PKD2: variants seen among roughly 807,000 people sequenced by gnomAD.
PKD2 encodes polycystin 2, transient receptor potential cation channel, also known as polycystin-2.
PKD2 carries 48 observed loss-of-function variants against 105.9 expected under a neutral mutation model. That is an observed-to-expected ratio of 0.45 (90% CI 0.36 to 0.58). PKD2 has a LOEUF of 0.58. Ranked by LOEUF, PKD2 falls within the 20% of genes least tolerant of loss-of-function variation. The pLI, the probability that PKD2 is intolerant of heterozygous loss-of-function variation, is 0.00. For missense variants in PKD2, 1,078 were observed against 1,255.3 expected, an observed-to-expected ratio of 0.86 and a Z score of 2.13; for synonymous variants, 464 against 481.1, an observed-to-expected ratio of 0.96 and a Z score of 0.46.
chr4:88,022,735 A>T (rs2725228), intron 2 of PKD2, among the ~76,000 whole-genome samples: 113,669 of 152,142 alleles, frequency 0.75, 42,541 homozygotes, highest in South Asian at 0.76. Context: ...CTATGGCTTA[A>T]GTATTAGGCT....
At chr4:88,037,251 A>C (rs182172275) in intron 3 of PKD2, among the ~76,000 whole-genome samples, 312 of 150,832 alleles carry the variant, frequency 2.1e-3, no homozygotes, top group East Asian at 6.4e-3. Flanking sequence ...AATCCCCCCC[A>C]AAAAAAAACC....
At chr4:88,031,131 G>T (rs932867369) in intron 2 of PKD2, among the ~76,000 whole-genome samples, 1 of 152,176 alleles carries the variant, frequency 6.6e-6, no homozygotes, top group Non-Finnish European at 1.5e-5. Context: ...TCAGCCATGT[G>T]ATTATGAGGG....
intron 4 of PKD2, among the ~76,000 whole-genome samples, chr4:88,041,059 A>G (rs929357662): frequency 6.6e-6 from 1 of 152,192 alleles, no homozygotes; most frequent in Non-Finnish European, 1.5e-5. Context: ...ACACATCTCT[A>G]TTCCACCTGG....
intron 1 of PKD2, among the ~76,000 whole-genome samples, chr4:88,010,581 C>A (rs1474599266): frequency 6.6e-6 from 1 of 152,158 alleles, no homozygotes; most frequent in East Asian, 1.9e-4. Flanking sequence ...AAGTAACTTG[C>A]AATTTTTAAA....
rs1345050422 is a variant in PKD2, at chr4:88,007,864, G to T, written c.131G>T (p.Gly44Val). The T allele has an allele frequency of 4.9e-5, 61 of 1,243,044 alleles. No homozygotes were observed. The highest frequency in any genetic ancestry group is 6.0e-5 in the Non-Finnish European group (60 of 994,328). The allele number at this position is 1,243,044 out of a possible 1,614,324, so 77.0% of individuals were successfully genotyped here. The change falls in exon 1 of 15, where the codon GGC becomes GTC. Residue 44 changes from glycine (G) to valine (V), a missense_variant. This residue lies in a region of PKD2 where 210 missense variants were observed against 187.9 expected (regional missense o/e 1.12). Transcript: ENST00000237596. The stretch of plus-strand genomic sequence containing the variant: ...GTGGGCGCCAGCCTCGCCGCCCCGG[G>T]CGGCCTCTGCGAGCAGCGGGGCCTG... ...AAVGASLAAP[G>V]GLCEQRGLEI...
intron 2 of PKD2, among the ~76,000 whole-genome samples, chr4:88,024,490 A>AGAAG (rs1726883227): frequency 6.7e-6 from 1 of 149,334 alleles, no homozygotes; most frequent in Admixed American, 6.7e-5. Context: ...AAAGAAAGAA[A>AGAAG]GAAGGAAGGA....
rs377352637 is a variant in PKD2 at position 88,061,300 on chromosome 4, C to T, written c.2020-606C>T. 6.4e-4 allele frequency among the ~76,000 whole-genome samples: 97 copies of T among 152,178 alleles called. No individual in the cohort carries two copies. In the South Asian group the frequency reaches 9.1e-3, roughly 14 times the overall value. On this transcript the variant is annotated intron_variant, in intron 9 of 14. Transcript: ENST00000237596. The stretch of plus-strand genomic sequence containing the variant: ...CAAAAATAATATTAAATAAAATAAT[C>T]GCACCATTAGTAGGTAAATATACTA...
At chr4:88,019,355 T>A (rs1218575561) in intron 1 of PKD2, 103 bp from the exon 2 acceptor site, 13 of 697,714 alleles carry the variant, frequency 1.9e-5, no homozygotes, top group East Asian at 8.2e-5. Flanking sequence ...AGAATCTCCC[T>A]TATAGGTGAA....
intron 1 of PKD2, among the ~76,000 whole-genome samples, chr4:88,016,573 A>G (rs1182573367): frequency 6.6e-6 from 1 of 152,212 alleles, no homozygotes; most frequent in Non-Finnish European, 1.5e-5. Flanking sequence ...CCTGTACCCT[A>G]AGATTGGTCC....
chr4:88,072,269 C>T (rs1451700286), intron 13 of PKD2, among the ~76,000 whole-genome samples: 1 of 151,996 alleles, frequency 6.6e-6, no homozygotes, highest in Non-Finnish European at 1.5e-5. Flanking sequence ...AGATATGCAC[C>T]ACCACGCCTG....
At position 88,077,399 on chromosome 4, in the gene PKD2, A is replaced by T. The variant is rs1415330095; in HGVS notation, c.*1705A>T. On this transcript the variant is annotated 3_prime_UTR_variant, in exon 15 of 15. Transcript: ENST00000237596. ...CCAGGGATATTGACTGTACATATTT[A>T]TGTATATGTACCATGTTGTTACATG... 6.6e-6 allele frequency: 1 copy of T among 152,630 alleles called. No homozygotes were observed. The highest frequency in any genetic ancestry group is 2.4e-5 in the African/African-American group (1 of 41,450). 9.5% of individuals were successfully genotyped at this position (152,630 alleles called of 1,614,324 possible).
intron 2 of PKD2, among the ~76,000 whole-genome samples, chr4:88,030,144 C>T (rs544854793): frequency 6.6e-6 from 1 of 152,210 alleles, no homozygotes; most frequent in South Asian, 2.1e-4. Flanking sequence ...AGTCAGTCTT[C>T]CATTTATTTA....
In PKD2 at chr4:88,013,904, T is replaced by C. The variant is rs536723136; in HGVS notation, c.596-5554T>C. On this transcript the variant is annotated intron_variant, in intron 1 of 14. Coordinates refer to ENST00000237596, the MANE Select transcript of PKD2 (RefSeq NM_000297.4). ...AATGGGCACGTTTTCCTGTAGACAT[T>C]TGGAGCCAGTGTGGGCTTCAAGCCT... Among the ~76,000 whole-genome samples the C allele has an allele frequency of 1.6e-4, 25 of 152,120 alleles. 1 individual carries two copies. The highest frequency in any genetic ancestry group is 2.6e-4 in the Admixed American group (4 of 15,280).
chr4:88,012,968 A>G (rs762179727), intron 1 of PKD2, among the ~76,000 whole-genome samples: 17 of 152,304 alleles, frequency 1.1e-4, no homozygotes, highest in South Asian at 4.1e-4. Context: ...ATACTATTTC[A>G]TCATAAAAAG....
chr4:88,066,558 C>G (rs756950934), intron 12 of PKD2, among the ~76,000 whole-genome samples: 2 of 151,968 alleles, frequency 1.3e-5, no homozygotes, highest in Non-Finnish European at 2.9e-5. Flanking sequence ...TATGGGGTTT[C>G]ACCATGTTGG....
At chr4:88,014,390 G>A (rs1726490283) in intron 1 of PKD2, among the ~76,000 whole-genome samples, 2 of 151,744 alleles carry the variant, frequency 1.3e-5, no homozygotes, top group South Asian at 2.1e-4. Context: ...GGTGGCACAC[G>A]CCTTTAATCC....
chr4:88,058,784 G>A (rs1720454550), intron 9 of PKD2, among the ~76,000 whole-genome samples: 1 of 151,760 alleles, frequency 6.6e-6, no homozygotes, highest in Admixed American at 6.6e-5. Context: ...TCTTGATTTG[G>A]TACAAATGAA....
chr4:88,042,774 C>T (rs1334053073), intron 4 of PKD2, among the ~76,000 whole-genome samples: 7 of 152,192 alleles, frequency 4.6e-5, no homozygotes, highest in Non-Finnish European at 1.5e-5. Context: ...CATCTGTTTT[C>T]TAAGAGATCC....
Position 88,075,479 on chromosome 4 carries a change from A to C in PKD2, c.2692A>C (p.Ser898Arg), listed in dbSNP as rs555280901. The C allele has an allele frequency of 5.0e-6, 8 of 1,614,050 alleles. No individual in the cohort carries two copies. The highest frequency in any genetic ancestry group is 6.8e-6 in the Non-Finnish European group (8 of 1,179,890). Residue 898 changes from serine (S) to arginine (R), a missense_variant, in exon 15 of 15, where the codon AGT becomes CGT. Physicochemically the swap from Ser to Arg is moderately radical, Grantham distance 110. Coordinates refer to ENST00000237596, the MANE Select transcript of PKD2 (RefSeq NM_000297.4). ...VAEDERLGRD[S>R]EIHREQMERL... Reference sequence around the variant, plus strand: ...TTAGGATGAAAGGCTGGGTCGTGACAGTGAAATCCATAGGGAACAGATGGA... The same window carrying C: ...TTAGGATGAAAGGCTGGGTCGTGACCGTGAAATCCATAGGGAACAGATGGA...
Sources: allele counts gnomAD v4.1 joint callset (sites outside exome capture counted in the v4.1 genomes callset), GRCh38; gene constraint gnomAD v4.1.1; regional missense constraint gnomAD v4.1.1; transcripts MANE v1.5; gene names NCBI Gene and HGNC (gene_info 2026-07-23, HGNC 2026-07-21).